Variants in ADGRV1 observed in about 807,000 individuals in gnomAD.
The protein encoded by ADGRV1 is adhesion G protein-coupled receptor V1.
Under a neutral mutation model 596.2 loss-of-function variants are expected in ADGRV1, and 359 were observed. The ratio of observed to expected loss-of-function variants is 0.60; its 90% confidence interval spans 0.55 to 0.66. The LOEUF is 0.66. Ranked by LOEUF, ADGRV1 falls within the 30% of genes least tolerant of loss-of-function variation. The pLI is 0.00. For synonymous variants in ADGRV1, 2,681 were observed against 2,679.2 expected, an observed-to-expected ratio of 1.00 and a Z score of -0.02; for missense variants, 7,274 against 7,575.6, an observed-to-expected ratio of 0.96 and a Z score of 1.48.
chr5:90,801,167 A>G (rs1459626478), intron 70 of ADGRV1, among the ~76,000 whole-genome samples: 1 of 152,110 alleles, frequency 6.6e-6, no homozygotes, highest in African/African-American at 2.4e-5. Context: ...TGAGAACATG[A>G]TCAACTCCTA....
At chr5:91,059,470 C>T (rs16869402) in intron 85 of ADGRV1, among the ~76,000 whole-genome samples, 2,558 of 152,260 alleles carry the variant, frequency 0.017, 69 homozygotes, top group African/African-American at 0.059. Flanking sequence ...ACAGCAAGAT[C>T]ATTTTCTTTT....
Position 90,622,710 on chromosome 5 carries a change from A to AC in ADGRV1, c.558+10dup. ...TCATGGTGACTTTTGAGGTAAGTTT[A>AC]CTCTGAAGTCATTTTATTTTATTTA... On this transcript the variant is annotated intron_variant, in intron 5 of 89. Transcript: ENST00000405460. 8.6e-7 allele frequency: 1 copy of AC among 1,164,244 alleles called. No homozygotes were observed. The highest frequency in any genetic ancestry group is 1.2e-6 in the Non-Finnish European group (1 of 832,262). The allele number at this position is 1,164,244 out of a possible 1,614,324, so 72.1% of individuals were successfully genotyped here.
chr5:91,081,397 T>G (rs1789362806), intron 86 of ADGRV1, among the ~76,000 whole-genome samples: 1 of 152,128 alleles, frequency 6.6e-6, no homozygotes, highest in African/African-American at 2.4e-5. Flanking sequence ...TCAATTCTTG[T>G]CTATCCCCAT....
At chr5:90,621,382 C>T (rs968990839) in intron 4 of ADGRV1, among the ~76,000 whole-genome samples, 5 of 152,110 alleles carry the variant, frequency 3.3e-5, no homozygotes, top group African/African-American at 4.8e-5. Flanking sequence ...ATTTGGCCAA[C>T]CTCAGTTTAG....
At chr5:90,836,379 G>T (rs1305711383) in intron 77 of ADGRV1, among the ~76,000 whole-genome samples, 1 of 151,852 alleles carries the variant, frequency 6.6e-6, no homozygotes, top group Non-Finnish European at 1.5e-5. Context: ...TCCATGTATG[G>T]AACACTCCTC....
chr5:90,595,614 T>C lies in ADGRV1; in HGVS notation c.23-19221T>C, dbSNP rs1445805216. Among the ~76,000 whole-genome samples, 247 of 123,520 alleles carry C rather than the reference T, an allele frequency of 2.0e-3. 10 individuals are homozygous for C. The highest frequency in any genetic ancestry group is 7.5e-3 in the African/African-American group (217 of 29,018). 81.0% of individuals were successfully genotyped at this position (123,520 alleles called of 152,430 possible). On this transcript the variant is annotated intron_variant, in intron 1 of 89. Coordinates refer to ENST00000405460, the MANE Select transcript of ADGRV1 (RefSeq NM_032119.4). ...TGGGGCGGCTGGCCGGGCGGGGGGC[T>C]GACCCCCCCACCTCCCTCCCGGACG...
chr5:90,871,883 A>T (rs1460293774), intron 83 of ADGRV1, among the ~76,000 whole-genome samples: 1 of 152,218 alleles, frequency 6.6e-6, no homozygotes, highest in Non-Finnish European at 1.5e-5. Context: ...CTAGGAAAAT[A>T]ATAAGAATGC....
rs1422654517 is a variant in ADGRV1 at position 90,584,804 on chromosome 5, G to T, written c.22+25887G>T. 3.3e-5 allele frequency among the ~76,000 whole-genome samples: 5 copies of T among 152,148 alleles called. 1 individual carries two copies. Among genetic ancestry groups the T allele is most frequent in the Admixed American group, 3.3e-4 (5 of 15,276 alleles). On this transcript the variant is annotated intron_variant, in intron 1 of 89. Coordinates refer to ENST00000405460, the MANE Select transcript of ADGRV1 (RefSeq NM_032119.4). ...TTGCTAGAAGTAAATACAGTATTAA[G>T]TTCTACTATATTTTATTGTTCAAGT... is the stretch of plus-strand genomic sequence containing the variant.
At chr5:90,588,256 G>T (rs1759033649) in intron 1 of ADGRV1, among the ~76,000 whole-genome samples, 1 of 152,208 alleles carries the variant, frequency 6.6e-6, no homozygotes, top group African/African-American at 2.4e-5. Flanking sequence ...GGGAGGAAAA[G>T]AATGGGTAAA....
intron 85 of ADGRV1, among the ~76,000 whole-genome samples, chr5:90,996,269 G>A (rs754005261): frequency 8.5e-5 from 13 of 152,134 alleles, no homozygotes; most frequent in Admixed American, 1.3e-4. Flanking sequence ...CAGGCTCAGA[G>A]CCCCACTGCT....
chr5:90,576,289 G>C (rs1399359037), intron 1 of ADGRV1, among the ~76,000 whole-genome samples: 2 of 140,206 alleles, frequency 1.4e-5, no homozygotes, highest in African/African-American at 2.7e-5. Flanking sequence ...ACAAGCCCCA[G>C]TGTGTGATGT....
chr5:90,848,056 T>C (rs976203988), intron 78 of ADGRV1, among the ~76,000 whole-genome samples: 2 of 151,980 alleles, frequency 1.3e-5, no homozygotes, highest in East Asian at 1.9e-4. Context: ...CCTCCTTTTT[T>C]CCCCTGTCTC....
intron 77 of ADGRV1, among the ~76,000 whole-genome samples, chr5:90,838,667 A>G (rs1765173947): frequency 1.3e-5 from 2 of 152,100 alleles, no homozygotes; most frequent in Admixed American, 1.3e-4. Flanking sequence ...CCATTTACCC[A>G]TTCATCTAGG....
At chr5:90,636,747 C>T (rs901635271) in intron 10 of ADGRV1, among the ~76,000 whole-genome samples, 6 of 151,544 alleles carry the variant, frequency 4.0e-5, no homozygotes, top group Admixed American at 6.6e-5. Context: ...CAGGTTATGA[C>T]GATTGTTAGC....
At chr5:91,142,016 C>T (rs1795139871) in intron 87 of ADGRV1, among the ~76,000 whole-genome samples, 2 of 152,216 alleles carry the variant, frequency 1.3e-5, no homozygotes, top group African/African-American at 4.8e-5. Flanking sequence ...AGGGATGCTT[C>T]ATTCTGCCAT....
intron 87 of ADGRV1, among the ~76,000 whole-genome samples, chr5:91,123,334 A>G (rs1793484957): frequency 6.6e-6 from 1 of 152,180 alleles, no homozygotes; most frequent in Admixed American, 6.5e-5. Flanking sequence ...CTTATAGCTC[A>G]TAGTTCTGGA....
intron 84 of ADGRV1, among the ~76,000 whole-genome samples, chr5:90,971,859 C>T (rs879013406): frequency 6.6e-6 from 1 of 152,102 alleles, no homozygotes; most frequent in African/African-American, 2.4e-5. Flanking sequence ...CAATATTAAC[C>T]TTAAATGTAA....
Position 90,651,762 on chromosome 5 carries a change from T to C in ADGRV1, c.3416+32T>C, listed in dbSNP as rs377740475. On this transcript the variant is annotated intron_variant, in intron 18 of 89. Transcript: ENST00000405460. ...ATATGTAGATAAGGCAAGTTTAAAA[T>C]TGGGTGAAATAAAACCATTAAGTAT... 4.3e-6 allele frequency: 6 copies of C among 1,393,480 alleles called. No homozygotes were observed. In the African/African-American group the frequency reaches 7.1e-5, roughly 17 times the overall value. The allele number at this position is 1,393,480 out of a possible 1,614,324, so 86.3% of individuals were successfully genotyped here.
intron 1 of ADGRV1, among the ~76,000 whole-genome samples, chr5:90,568,000 A>C (rs1755874754): frequency 6.6e-6 from 1 of 152,038 alleles, no homozygotes; most frequent in Admixed American, 6.5e-5. Context: ...GGCCTCCCAA[A>C]GTATTGGGAT....
Sources: gnomAD v4.1 joint callset for allele counts (sites outside exome capture counted in the v4.1 genomes callset) on GRCh38, gnomAD v4.1.1 for gene constraint, MANE v1.5 for transcripts, NCBI Gene and HGNC (gene_info 2026-07-23, HGNC 2026-07-21) for gene names.